The following RABGEF1 variants were observed in gnomAD, a reference collection of about 807,000 sequenced individuals.
The protein encoded by RABGEF1 is rab5 GDP/GTP exchange factor.
In RABGEF1, 26 loss-of-function variants were observed where a neutral mutation model predicts 57.3. The ratio of observed to expected loss-of-function variants is 0.45; its 90% CI spans 0.33 to 0.63. The LOEUF is 0.63. RABGEF1 is among the 20% of genes least tolerant of loss of function. The pLI, the probability that RABGEF1 is intolerant of heterozygous loss-of-function variation, is 0.02. For synonymous variants in RABGEF1, 185 were observed against 210.7 expected (o/e 0.88, Z 1.06); for missense variants, 464 against 607.6 (o/e 0.76, Z 2.48).
intron 2 of RABGEF1, among the ~76,000 whole-genome samples, chr7:66,734,531 A>C (rs1419665171): frequency 1.3e-5 from 2 of 151,448 alleles, no homozygotes; most frequent in Admixed American, 6.6e-5. Flanking sequence ...CCTGACCTCA[A>C]GTGATCCGCC....
intron 2 of RABGEF1, among the ~76,000 whole-genome samples, chr7:66,722,507 T>G (rs887194686): frequency 6.6e-6 from 1 of 152,162 alleles, no homozygotes; most frequent in Non-Finnish European, 1.5e-5. Context: ...AATACAAAGT[T>G]TTAAATTTTG....
intron 2 of RABGEF1, among the ~76,000 whole-genome samples, chr7:66,732,983 T>A (rs1196077752): frequency 2.0e-5 from 3 of 152,184 alleles, no homozygotes. Flanking sequence ...ACCGTATGAC[T>A]GTGTCCCTTT....
upstream of RABGEF1, among the ~76,000 whole-genome samples, chr7:66,739,092 A>G (rs1798412104): frequency 6.6e-6 from 1 of 152,004 alleles, no homozygotes. Flanking sequence ...CTGGGATTGC[A>G]GGCATGTGCC....
Position 66,774,572 on chromosome 7 carries a change from T to C in RABGEF1, c.180-655T>C, listed in dbSNP as rs200462536. On this transcript the variant is annotated intron_variant, in intron 2 of 8. Transcript: ENST00000284957. ...GCTTGCACATTTGTAGTTCCTTCTTTCTGGAATGTCCTTTCACTTAGAATC... is the reference window on the plus strand; with the variant it reads ...GCTTGCACATTTGTAGTTCCTTCTTCCTGGAATGTCCTTTCACTTAGAATC... Among the ~76,000 whole-genome samples the C allele has an allele frequency of 1.7e-4, 26 of 152,306 alleles. No individual in the cohort carries two copies. The East Asian group carries it at 3.5e-3, about 20-fold the overall frequency.
chr7:66,774,720 A>G (rs1808082452), intron 2 of RABGEF1, among the ~76,000 whole-genome samples: 1 of 152,150 alleles, frequency 6.6e-6, no homozygotes, highest in Non-Finnish European at 1.5e-5. Flanking sequence ...ATACCATGCT[A>G]TTACACTCCA....
chr7:66,725,163 C>T (rs769742220), intron 2 of RABGEF1, among the ~76,000 whole-genome samples: 1 of 152,170 alleles, frequency 6.6e-6, no homozygotes, highest in Non-Finnish European at 1.5e-5. Context: ...TTCCCACTTC[C>T]TTACATGTCT....
chr7:66,740,207 A>C (rs1198041886), upstream of RABGEF1: 2 of 152,812 alleles, frequency 1.3e-5, no homozygotes, highest in Non-Finnish European at 2.9e-5. Context: ...TCCTGGACTC[A>C]AGCGATCCTC....
chr7:66,655,103 G>GGGGCGCC, the RABGEF1 span, among the ~76,000 whole-genome samples: 11 of 152,246 alleles, frequency 7.2e-5, no homozygotes, highest in Non-Finnish European at 1.2e-4. Context: ...GGCCGCGACA[G>GGGGCGCC]GGGCGCCGGG....
At chr7:66,758,329 A>G (rs1045664211) in intron 1 of RABGEF1, among the ~76,000 whole-genome samples, 26 of 152,340 alleles carry the variant, frequency 1.7e-4, no homozygotes, top group South Asian at 1.0e-3. Context: ...GGGTACCTGG[A>G]CCTAGAATAA....
chr7:66,725,712 G>A (rs1796510681), intron 2 of RABGEF1, among the ~76,000 whole-genome samples: 1 of 152,224 alleles, frequency 6.6e-6, no homozygotes, highest in African/African-American at 2.4e-5. Flanking sequence ...GAACTCCTAG[G>A]AAGCTGGTAT....
At chr7:66,682,701 G>A (rs1436070916) in intron 1 of RABGEF1, among the ~76,000 whole-genome samples, 1 of 1,772 alleles carries the variant, frequency 5.6e-4, no homozygotes, top group African/African-American at 3.0e-3. Flanking sequence ...CACAGCCCCC[G>A]GCCGCGGCAG....
chr7:66,681,831 A>T (rs1789768553), upstream of RABGEF1, among the ~76,000 whole-genome samples: 1 of 152,206 alleles, frequency 6.6e-6, no homozygotes, highest in Non-Finnish European at 1.5e-5. Flanking sequence ...CCTCGGCTCC[A>T]GGAGTCGCCG....
intron 2 of RABGEF1, among the ~76,000 whole-genome samples, chr7:66,772,964 G>A (rs1807545993): frequency 6.6e-6 from 1 of 151,814 alleles, no homozygotes; most frequent in Non-Finnish European, 1.5e-5. Context: ...AGTGAGCATA[G>A]GAACTAATAA....
chr7:66,775,543 C>T (rs1808319869), intron 3 of RABGEF1, 150 bp downstream of exon 3: 2 of 865,742 alleles, frequency 2.3e-6, no homozygotes, highest in African/African-American at 3.4e-5. Context: ...GAGGGTCAGA[C>T]AGTATATGAA....
At chr7:66,763,409 G>C (rs1461314538) in intron 1 of RABGEF1, among the ~76,000 whole-genome samples, 1 of 152,234 alleles carries the variant, frequency 6.6e-6, no homozygotes, top group Admixed American at 6.5e-5. Flanking sequence ...TCAGCTTCTA[G>C]AAGCCACTCA....
At chr7:66,760,264 T>G (rs1226617323) in intron 1 of RABGEF1, among the ~76,000 whole-genome samples, 1 of 152,196 alleles carries the variant, frequency 6.6e-6, no homozygotes, top group East Asian at 1.9e-4. Context: ...TTGGAAAGGT[T>G]GTAGAAATCC....
chr7:66,719,921 G>A (rs908959681), intron 2 of RABGEF1, among the ~76,000 whole-genome samples: 4 of 152,012 alleles, frequency 2.6e-5, no homozygotes, highest in Admixed American at 6.6e-5. Context: ...TCCCTGATGT[G>A]GACCAGCAGT....
chr7:66,707,021 G>A lies in RABGEF1; in HGVS notation c.-872-5146G>A, dbSNP rs180831486. On this transcript the variant is annotated intron_variant and NMD_transcript_variant, in intron 1 of 9. Transcript: ENST00000607882. The stretch of plus-strand genomic sequence containing the variant: ...AGGATGGTCTCGATCTCCTGGCCTC[G>A]TGATCCACCCGCCTCGGCCTCCCAA... Among the ~76,000 whole-genome samples the A allele has an allele frequency of 1.9e-3, 277 of 146,456 alleles. 1 individual carries two copies. The highest frequency in any genetic ancestry group is 6.3e-3 in the African/African-American group (251 of 39,748).
At chr7:66,789,166 G>T (rs1406452273) in intron 4 of RABGEF1, among the ~76,000 whole-genome samples, 1 of 152,142 alleles carries the variant, frequency 6.6e-6, no homozygotes. Context: ...TCAAGGAGTA[G>T]TTTGCCCTGC....
Sources: gnomAD v4.1 joint callset for allele counts (sites outside exome capture counted in the v4.1 genomes callset) on GRCh38, gnomAD v4.1.1 for gene constraint, MANE v1.5 for transcripts, NCBI Gene and HGNC (gene_info 2026-07-23, HGNC 2026-07-21) for gene names.